Variants in RARRES1 observed in about 807,000 individuals in gnomAD.
RARRES1 encodes retinoic acid receptor responder 1.
RARRES1 carries 34 observed loss-of-function variants against 30.6 expected under a neutral mutation model. The observed-to-expected ratio is 1.11, with a 90% confidence interval of 0.84 to 1.48. The LOEUF (loss-of-function observed/expected upper bound fraction) is 1.48. Among genes scored for constraint, RARRES1 ranks in the 40% most tolerant of loss-of-function variants. The pLI, the probability that RARRES1 is intolerant of heterozygous loss-of-function variation, is 0.00. For synonymous variants in RARRES1, 153 were observed against 155.5 expected, an observed-to-expected ratio of 0.98 and a Z score of 0.12; for missense variants, 373 against 386.5, an observed-to-expected ratio of 0.97 and a Z score of 0.29.
intron 2 of RARRES1, among the ~76,000 whole-genome samples, chr3:158,711,401 G>A (rs1727130696): frequency 6.6e-6 from 1 of 151,990 alleles, no homozygotes; most frequent in South Asian, 2.1e-4. Context: ...AGATACTGAG[G>A]TTTAAGGAGG....
intron 4 of RARRES1, among the ~76,000 whole-genome samples, chr3:158,699,847 T>C (rs1726668603): frequency 6.6e-6 from 1 of 152,160 alleles, no homozygotes; most frequent in African/African-American, 2.4e-5. Context: ...GTTCCAGTGA[T>C]CAGTCTGGCA....
intron 1 of RARRES1, among the ~76,000 whole-genome samples, chr3:158,719,597 A>G (rs914360384): frequency 3.3e-5 from 5 of 152,046 alleles, no homozygotes; most frequent in Admixed American, 2.6e-4. Flanking sequence ...TTTATTTTAT[A>G]GATGATTTTT....
At chr3:158,708,265 A>C (rs1726991094) in intron 3 of RARRES1, among the ~76,000 whole-genome samples, 1 of 152,188 alleles carries the variant, frequency 6.6e-6, no homozygotes, top group Non-Finnish European at 1.5e-5. Context: ...GCTCATCATC[A>C]CGTGTTCTAT....
intron 4 of RARRES1, among the ~76,000 whole-genome samples, chr3:158,704,271 T>C (rs1192964050): frequency 2.8e-5 from 4 of 142,956 alleles, no homozygotes; most frequent in Non-Finnish European, 6.0e-5. Flanking sequence ...CTCACTCTGT[T>C]GCCCAGGATG....
chr3:158,710,800 T>A lies in RARRES1; in HGVS notation c.473A>T (p.Asp158Val), dbSNP rs11919919. Residue 158 changes from aspartate (D) to valine (V), a missense_variant, in exon 3 of 6, where the codon GAT (aspartate) becomes GTT (valine). Transcript: ENST00000237696. ...CTTCATTTGCTTGTAAAGCAGGTAA[T>A]CCTCTTGTTGTCTTTTCTTTTTCTC... ...LIEKKKRQQE[D>V]YLLYKQMKQL... is the part of the protein sequence containing the mutation. 3,961 of 1,613,772 alleles carry A rather than the reference T, an allele frequency of 2.5e-3. 80 individuals carry two copies. The African/African-American group carries it at 0.043, about 17-fold the overall frequency.
chr3:158,709,990 C>T (rs949041366), intron 3 of RARRES1, among the ~76,000 whole-genome samples: 4 of 152,216 alleles, frequency 2.6e-5, no homozygotes, highest in African/African-American at 9.6e-5. Flanking sequence ...CTCATCTGGC[C>T]TTGGAGTGTA....
intron 2 of RARRES1, among the ~76,000 whole-genome samples, chr3:158,711,182 A>G (rs983581018): frequency 6.6e-6 from 1 of 152,180 alleles, no homozygotes; most frequent in African/African-American, 2.4e-5. Flanking sequence ...CCAAAGAAAT[A>G]TCATTGACAT....
At chr3:158,730,264 AAGCCGAGATCGC>A (rs1477469016) in intron 1 of RARRES1, among the ~76,000 whole-genome samples, 1 of 149,802 alleles carries the variant, frequency 6.7e-6, no homozygotes, top group African/African-American at 2.5e-5. Context: ...AGGTTGCAGT[AAGCCGAGATCGC>A]AGCGCTGCAC....
At chr3:158,722,105 A>G (rs1032192211) in intron 1 of RARRES1, among the ~76,000 whole-genome samples, 8 of 151,782 alleles carry the variant, frequency 5.3e-5, no homozygotes, top group Non-Finnish European at 7.4e-5. Context: ...AAAAAAAAAA[A>G]AGAGTATCCA....
At chr3:158,698,206 GACCAAAGTCTGTGGGAATAGGGAGAT>G (rs1726611984) in intron 4 of RARRES1, 1 of 495,564 alleles carries the variant, frequency 2.0e-6, no homozygotes, top group Admixed American at 3.7e-5. Flanking sequence ...TTCTGATGGA[GACCAAAGTCTGTGGGAATAGGGAGAT>G]TCTTTTAACA....
chr3:158,698,094 C>T lies in RARRES1; in HGVS notation c.673-124G>A, dbSNP rs542446579. The T allele has an allele frequency of 2.0e-4, 130 of 659,270 alleles. 1 individual carries two copies. Among genetic ancestry groups the T allele is most frequent in the Admixed American group, 1.4e-4 (4 of 29,322 alleles). 40.8% of individuals were successfully genotyped at this position (659,270 alleles called of 1,614,324 possible). The stretch of plus-strand genomic sequence containing the variant: ...TACTGCCTTTTCGATTTCAGCCTCA[C>T]GGTTTTTGGTGGTATTTTGCTTCAA... On this transcript the variant is annotated intron_variant, in intron 4 of 5. Coordinates refer to ENST00000237696, the MANE Select transcript of RARRES1 (RefSeq NM_206963.2).
At chr3:158,731,913 G>A (rs1727900995) in intron 1 of RARRES1, among the ~76,000 whole-genome samples, 1 of 152,234 alleles carries the variant, frequency 6.6e-6, no homozygotes, top group Non-Finnish European at 1.5e-5. Context: ...ATGCTGGAAG[G>A]AACGAGCCAG....
chr3:158,730,125 G>C (rs1422453513), intron 1 of RARRES1, among the ~76,000 whole-genome samples: 2 of 151,916 alleles, frequency 1.3e-5, no homozygotes, highest in Non-Finnish European at 2.9e-5. Context: ...TTCGAGAACA[G>C]CCTGCCCAAC....
chr3:158,708,857 C>T (rs549795667), intron 3 of RARRES1, among the ~76,000 whole-genome samples: 2 of 152,242 alleles, frequency 1.3e-5, no homozygotes, highest in Non-Finnish European at 2.9e-5. Flanking sequence ...TGGGGTTTCA[C>T]CGTGTTAGCC....
At chr3:158,715,901 G>T (rs1727305779) in intron 1 of RARRES1, among the ~76,000 whole-genome samples, 1 of 152,158 alleles carries the variant, frequency 6.6e-6, no homozygotes. Context: ...CAGGGCTGTG[G>T]CTTGCTGCCT....
At position 158,710,751 on chromosome 3, in the gene RARRES1, T is replaced by G. The variant is rs761307392; in HGVS notation, c.522A>C (p.Ile174=). ...GCTGATTCATACCAGGTATGCTGACTATTTCCAAGGGGTTTTTCAGTTGCT... is the reference window on the plus strand; with the variant it reads ...GCTGATTCATACCAGGTATGCTGACGATTTCCAAGGGGTTTTTCAGTTGCT... ...QMKQLKNPLE[I]VSIPDNHGHI... Residue 174 remains isoleucine (I), a synonymous_variant, in exon 3 of 6, where the codon ATA becomes ATC. Transcript: ENST00000237696. 1.9e-6 allele frequency: 3 copies of G among 1,609,316 alleles called. No individual in the cohort carries two copies. The South Asian group carries it at 3.3e-5, about 18-fold the overall frequency.
chr3:158,717,610 T>C (rs1315405463), intron 1 of RARRES1, among the ~76,000 whole-genome samples: 4 of 152,186 alleles, frequency 2.6e-5, no homozygotes, highest in Non-Finnish European at 5.9e-5. Context: ...GAGGATTTTG[T>C]CCTGAGAGAA....
rs746347023 is a variant in RARRES1, at chr3:158,697,704, C to T, written c.859G>A (p.Val287Ile). 10 of 1,613,392 alleles carry T rather than the reference C, an allele frequency of 6.2e-6. No homozygotes were observed. In the Admixed American group the frequency reaches 1.7e-4, roughly 27 times the overall value. The change falls in exon 6 of 6, where the codon GTA becomes ATA. Residue 287 changes from valine (V) to isoleucine (I), a missense_variant. Val to Ile is a conservative substitution (Grantham distance 29). Transcript: ENST00000237696. ...ASGTEEGSAV[V>I]PTELSNF is the part of the protein sequence containing the mutation. ...TAGAAATTACTAAGCTCTGTTGGTA[C>T]TACAGCTGATCCTTCTTCAGTTCCG...
At position 158,697,889 on chromosome 3, in the gene RARRES1, A is replaced by G; in HGVS notation, c.735+19T>C. 2.6e-6 allele frequency: 4 copies of G among 1,559,412 alleles called. No homozygotes were observed. The highest frequency in any genetic ancestry group is 1.1e-5 in the South Asian group (1 of 89,146). On this transcript the variant is annotated intron_variant, in intron 5 of 5. Coordinates refer to ENST00000237696, the MANE Select transcript of RARRES1 (RefSeq NM_206963.2). The stretch of plus-strand genomic sequence containing the variant: ...AAACTTATGGTAAAAACAATTCTAC[A>G]TACAATGTTATGTTTTACCTGTGTT...
Sources: allele counts gnomAD v4.1 joint callset (sites outside exome capture counted in the v4.1 genomes callset), GRCh38; gene constraint gnomAD v4.1.1; transcripts MANE v1.5; gene names NCBI Gene and HGNC (gene_info 2026-07-23, HGNC 2026-07-21).